Variants in NBEA observed in about 807,000 individuals in gnomAD.
NBEA encodes the protein lysosomal-trafficking regulator 2.
NBEA carries 44 observed loss-of-function variants against 343.4 expected under a neutral mutation model. The ratio of observed to expected loss-of-function variants is 0.13; its 90% CI spans 0.10 to 0.16. The LOEUF is 0.16. NBEA is among the 10% of genes least tolerant of loss of function. The pLI is 1.00. For missense variants in NBEA, 2,555 were observed against 3,631.3 expected (o/e 0.70, Z 7.62); for synonymous variants, 1,175 against 1,238.7 (o/e 0.95, Z 1.08).
chr13:35,461,603 T>C (rs1224686254), intron 40 of NBEA, among the ~76,000 whole-genome samples: 1 of 152,200 alleles, frequency 6.6e-6, no homozygotes, highest in African/African-American at 2.4e-5. Flanking sequence ...ACAAAACAAT[T>C]TTCCTAGTAT....
At chr13:35,060,135 A>G (rs1475886005) in intron 8 of NBEA, among the ~76,000 whole-genome samples, 2 of 151,792 alleles carry the variant, frequency 1.3e-5, no homozygotes, top group Admixed American at 6.6e-5. Context: ...GTGTCTTTTT[A>G]AGCTCTAATA....
chr13:35,117,443 A>G lies in NBEA; in HGVS notation c.2032A>G (p.Ile678Val), dbSNP rs1376293191. Residue 678 changes from isoleucine (I) to valine (V), a missense_variant, in exon 14 of 59, where the codon ATA (isoleucine) becomes GTA (valine). By Grantham distance (29) the Ile-to-Val change is conservative. Transcript: ENST00000379939. Reference protein sequence around the residue: ...DGPRPSQKEIISLRAFMLLFL... With the variant: ...DGPRPSQKEIVSLRAFMLLFL... ...TCCCCGGCCATCACAAAAAGAAATT[A>G]TATCACTGAGGGCATTTATGCTACT... 4 of 1,383,724 alleles carry G rather than the reference A, an allele frequency of 2.9e-6. No homozygotes were observed. Among genetic ancestry groups the G allele is most frequent in the Non-Finnish European group, 3.8e-6 (4 of 1,056,600 alleles). 85.7% of individuals were successfully genotyped at this position (1,383,724 alleles called of 1,614,324 possible).
At chr13:35,153,796 C>G (rs867483429) in intron 18 of NBEA, among the ~76,000 whole-genome samples, 1 of 152,232 alleles carries the variant, frequency 6.6e-6, no homozygotes. Context: ...TCCTGATTTC[C>G]TTTAAGCTCG....
intron 49 of NBEA, among the ~76,000 whole-genome samples, chr13:35,629,987 CTGT>C (rs1335103312): frequency 6.6e-6 from 1 of 151,966 alleles, no homozygotes; most frequent in Non-Finnish European, 1.5e-5. Flanking sequence ...TAATAAAGTC[CTGT>C]TCTTATAAAG....
intron 44 of NBEA, among the ~76,000 whole-genome samples, chr13:35,563,539 A>G (rs934878500): frequency 4.6e-5 from 7 of 151,950 alleles, no homozygotes; most frequent in African/African-American, 9.7e-5. Context: ...ATTCAAATCA[A>G]ATACATATAT....
chr13:35,339,152 G>A (rs1390181476), intron 36 of NBEA, among the ~76,000 whole-genome samples: 2 of 151,982 alleles, frequency 1.3e-5, no homozygotes, highest in Non-Finnish European at 2.9e-5. Context: ...TCTAGCTAGT[G>A]TAGTTAATTA....
Position 35,593,441 on chromosome 13 carries a change from T to C in NBEA, c.7290T>C (p.Asp2430=). Residue 2430 remains aspartate, a synonymous_variant, in exon 47 of 59, where the codon GAT becomes GAC. Coordinates refer to ENST00000379939, the MANE Select transcript of NBEA (RefSeq NM_001385012.1). ...SWRTSQRDTS[D]VKELIPEFYY... Reference sequence around the variant, plus strand: ...GAACTAGTCAGAGAGATACTTCTGATGTAAAGGTAGGCTCTTTTATTTGTT... The same window carrying C: ...GAACTAGTCAGAGAGATACTTCTGACGTAAAGGTAGGCTCTTTTATTTGTT... 1.2e-6 allele frequency: 2 copies of C among 1,605,304 alleles called. No individual in the cohort carries two copies. Among genetic ancestry groups the C allele is most frequent in the South Asian group, 2.3e-5 (2 of 88,812 alleles).
intron 41 of NBEA, among the ~76,000 whole-genome samples, chr13:35,487,473 A>G (rs1186070758): frequency 6.6e-6 from 1 of 151,946 alleles, no homozygotes; most frequent in African/African-American, 2.4e-5. Flanking sequence ...TCAGGGCAGG[A>G]AAGAACTCTG....
At chr13:35,615,753 TG>T (rs1271481804) in intron 48 of NBEA, among the ~76,000 whole-genome samples, 1 of 151,924 alleles carries the variant, frequency 6.6e-6, no homozygotes, top group African/African-American at 2.4e-5. Context: ...AGAGGAGCCG[TG>T]GAGGAGAGGA....
chr13:35,586,486 CT>C (rs2081296905), intron 46 of NBEA, among the ~76,000 whole-genome samples: 1 of 152,068 alleles, frequency 6.6e-6, no homozygotes, highest in Admixed American at 6.6e-5. Flanking sequence ...TAAAAATGAA[CT>C]CTGTAATGAT....
intron 1 of NBEA, among the ~76,000 whole-genome samples, chr13:35,038,523 G>C (rs1038357302): frequency 6.6e-6 from 1 of 151,818 alleles, no homozygotes; most frequent in African/African-American, 2.4e-5. Context: ...CCTCAGCGTA[G>C]TACCTTGGTA....
At chr13:35,305,916 AGTTT>A (rs1442678989) in intron 35 of NBEA, among the ~76,000 whole-genome samples, 1 of 152,166 alleles carries the variant, frequency 6.6e-6, no homozygotes, top group Non-Finnish European at 1.5e-5. Flanking sequence ...TTGGCTGCAT[AGTTT>A]GTTCTGAGTA....
chr13:35,123,755 T>C (rs1044457531), intron 17 of NBEA, among the ~76,000 whole-genome samples, 181 bp downstream of exon 17: 15 of 152,164 alleles, frequency 9.9e-5, no homozygotes, highest in African/African-American at 3.6e-4. Flanking sequence ...TAGTAGATTG[T>C]GAAACAAAAT....
At chr13:35,276,006 A>T (rs190159071) in intron 34 of NBEA, among the ~76,000 whole-genome samples, 3 of 148,428 alleles carry the variant, frequency 2.0e-5, no homozygotes, top group Non-Finnish European at 3.0e-5. Context: ...ATAATAATTT[A>T]AAAAAAGAAG....
At chr13:35,599,343 A>G (rs1202950261) in intron 47 of NBEA, among the ~76,000 whole-genome samples, 2 of 152,216 alleles carry the variant, frequency 1.3e-5, no homozygotes, top group Non-Finnish European at 2.9e-5. Context: ...ACAACTATTT[A>G]TTCATCGACA....
intron 35 of NBEA, 41 bp downstream of exon 35, chr13:35,290,491 G>T (rs1566573723): frequency 7.1e-6 from 10 of 1,417,842 alleles, no homozygotes; most frequent in East Asian, 2.3e-5. Flanking sequence ...ATATATGAGG[G>T]TTTTTTGTGA....
chr13:35,121,018 C>T (rs990712458), intron 16 of NBEA, among the ~76,000 whole-genome samples: 1 of 152,196 alleles, frequency 6.6e-6, no homozygotes, highest in Non-Finnish European at 1.5e-5. Context: ...TCCTGCTACT[C>T]GAAGTTATTC....
At chr13:35,345,269 A>C (rs1188061704) in intron 36 of NBEA, among the ~76,000 whole-genome samples, 1 of 152,080 alleles carries the variant, frequency 6.6e-6, no homozygotes, top group Non-Finnish European at 1.5e-5. Flanking sequence ...AATTTAAAAA[A>C]CAATATCTAC....
At chr13:35,624,522 A>G (rs867374258) in intron 48 of NBEA, among the ~76,000 whole-genome samples, 9 of 152,128 alleles carry the variant, frequency 5.9e-5, no homozygotes, top group African/African-American at 1.9e-4. Flanking sequence ...TGGCATTCCA[A>G]TCAAATTCTT....
Sources: allele counts gnomAD v4.1 joint callset (sites outside exome capture counted in the v4.1 genomes callset), GRCh38; gene constraint gnomAD v4.1.1; transcripts MANE v1.5; gene names NCBI Gene and HGNC (gene_info 2026-07-23, HGNC 2026-07-21).